MACROD2: variants seen among roughly 807,000 people sequenced by gnomAD.
The protein encoded by MACROD2 is ADP-ribose glycohydrolase MACROD2.
A neutral mutation model predicts 70.4 loss-of-function variants in MACROD2; 36 were observed. The ratio of observed to expected loss-of-function variants is 0.51; its 90% CI spans 0.39 to 0.68. The LOEUF is 0.68. Ranked by LOEUF, MACROD2 falls within the 30% of genes least tolerant of loss-of-function variation. The pLI is 0.00. For synonymous variants in MACROD2, 172 were observed against 178.8 expected (o/e 0.96, Z 0.30); for missense variants, 496 against 538.4 (o/e 0.92, Z 0.78).
At chr20:15,245,386 T>C (rs1251977565) in intron 6 of MACROD2, among the ~76,000 whole-genome samples, 2 of 152,170 alleles carry the variant, frequency 1.3e-5, no homozygotes, top group African/African-American at 2.4e-5. Context: ...AATGTATTTA[T>C]GGTATTTCTA....
At chr20:14,679,228 T>C (rs1479005414) in intron 4 of MACROD2, among the ~76,000 whole-genome samples, 2 of 152,230 alleles carry the variant, frequency 1.3e-5, no homozygotes, top group Non-Finnish European at 2.9e-5. Context: ...ACATTTATTT[T>C]GTCCAGTTGT....
At chr20:14,747,931 T>G (rs902467270) in intron 5 of MACROD2, among the ~76,000 whole-genome samples, 2 of 152,076 alleles carry the variant, frequency 1.3e-5, no homozygotes, top group African/African-American at 4.8e-5. Context: ...CTTTCTGGAT[T>G]TGGCTTTTCT....
At chr20:15,026,355 G>A (rs941213664) in intron 5 of MACROD2, among the ~76,000 whole-genome samples, 3 of 151,960 alleles carry the variant, frequency 2.0e-5, no homozygotes, top group African/African-American at 7.2e-5. Context: ...CCTCAAAATG[G>A]AAGGATTTCT....
intron 8 of MACROD2, among the ~76,000 whole-genome samples, chr20:15,708,568 C>A (rs1026429312): frequency 3.3e-5 from 5 of 152,172 alleles, no homozygotes; most frequent in Non-Finnish European, 5.9e-5. Flanking sequence ...GGGAGCCAGA[C>A]CCTGTTCAAT....
rs532072341 is a variant in MACROD2, at chr20:15,338,132, C to G, written c.541-93273C>G. ...ATTTATCCAAGCAATGCTTATTTCT[C>G]CCTATCTGCCTCTCTCTTCTCTTCT... is the stretch of plus-strand genomic sequence containing the variant. On this transcript the variant is annotated intron_variant, in intron 6 of 17. Transcript: ENST00000684519. 1.3e-5 allele frequency among the ~76,000 whole-genome samples: 2 copies of G among 151,486 alleles called. 1 individual carries two copies. The highest frequency in any genetic ancestry group is 4.9e-5 in the African/African-American group (2 of 40,870).
At chr20:14,682,510 G>T (rs886745261) in intron 4 of MACROD2, among the ~76,000 whole-genome samples, 3 of 151,078 alleles carry the variant, frequency 2.0e-5, no homozygotes, top group African/African-American at 7.3e-5. Flanking sequence ...ATATATGTAC[G>T]TGTGTGTATA....
chr20:15,126,007 G>C (rs1055173386), intron 5 of MACROD2, among the ~76,000 whole-genome samples: 1 of 133,846 alleles, frequency 7.5e-6, no homozygotes. Context: ...GCATGTATCA[G>C]TACTTCATTC....
At chr20:15,713,067 T>A (rs955187706) in intron 8 of MACROD2, among the ~76,000 whole-genome samples, 4 of 152,126 alleles carry the variant, frequency 2.6e-5, no homozygotes, top group Admixed American at 2.6e-4. Context: ...CTTGGATAGA[T>A]TATTAATACC....
intron 3 of MACROD2, among the ~76,000 whole-genome samples, chr20:14,365,281 A>G (rs1045407226): frequency 2.6e-5 from 4 of 152,106 alleles, no homozygotes; most frequent in Non-Finnish European, 4.4e-5. Flanking sequence ...ATTCTCTTAT[A>G]ATCATTTTTA....
intron 5 of MACROD2, among the ~76,000 whole-genome samples, chr20:15,145,463 A>T (rs1312115032): frequency 6.6e-6 from 1 of 152,190 alleles, no homozygotes; most frequent in Non-Finnish European, 1.5e-5. Context: ...ACCCTCAGCA[A>T]TGTATTTGAT....
intron 2 of MACROD2, among the ~76,000 whole-genome samples, chr20:14,076,975 C>A (rs562139933): frequency 2.4e-4 from 36 of 152,180 alleles, no homozygotes; most frequent in African/African-American, 8.2e-4. Flanking sequence ...AGCAGTAAAA[C>A]AAAAATCCAT....
At chr20:14,092,960 A>G (rs887826706) in intron 3 of MACROD2, among the ~76,000 whole-genome samples, 1 of 152,230 alleles carries the variant, frequency 6.6e-6, no homozygotes, top group African/African-American at 2.4e-5. Flanking sequence ...ACTGGTGCTC[A>G]AGCTAGAGCA....
intron 3 of MACROD2, among the ~76,000 whole-genome samples, chr20:14,425,333 C>G (rs1398032285): frequency 6.6e-6 from 1 of 152,150 alleles, no homozygotes; most frequent in Non-Finnish European, 1.5e-5. Context: ...ATATACCAGA[C>G]TTTCTCCACC....
At chr20:14,770,487 C>G (rs2072150873) in intron 5 of MACROD2, among the ~76,000 whole-genome samples, 1 of 152,034 alleles carries the variant, frequency 6.6e-6, no homozygotes, top group Non-Finnish European at 1.5e-5. Context: ...TACTGAGGTT[C>G]AAATAGCTCT....
intron 3 of MACROD2, among the ~76,000 whole-genome samples, chr20:14,345,300 T>A (rs1157822534): frequency 3.9e-5 from 6 of 152,198 alleles, no homozygotes; most frequent in Non-Finnish European, 8.8e-5. Context: ...TACAAGCAAA[T>A]CTTTCTAGCT....
intron 5 of MACROD2, among the ~76,000 whole-genome samples, chr20:15,130,003 T>G (rs559829099): frequency 8.5e-5 from 13 of 152,190 alleles, no homozygotes; most frequent in African/African-American, 2.2e-4. Flanking sequence ...TGCTTCCTGG[T>G]CACCCACCTC....
intron 10 of MACROD2, among the ~76,000 whole-genome samples, chr20:15,918,328 G>T (rs918170056): frequency 3.3e-5 from 5 of 152,258 alleles, no homozygotes; most frequent in Non-Finnish European, 5.9e-5. Flanking sequence ...AGTTGTTGAA[G>T]AAATTATTTA....
intron 10 of MACROD2, chr20:15,893,660 C>T (rs2064923302): frequency 2.2e-6 from 1 of 455,974 alleles, no homozygotes; most frequent in Non-Finnish European, 4.4e-6. Flanking sequence ...CAAACTTTTA[C>T]ACTTGATCTT....
chr20:14,631,340 G>T (rs772655014), intron 4 of MACROD2, among the ~76,000 whole-genome samples: 26 of 152,116 alleles, frequency 1.7e-4, no homozygotes, highest in Non-Finnish European at 2.6e-4. Flanking sequence ...TTTGTTCACG[G>T]TTTCTGCTTT....
Sources: gnomAD v4.1 joint callset for allele counts (sites outside exome capture counted in the v4.1 genomes callset) on GRCh38, gnomAD v4.1.1 for gene constraint, MANE v1.5 for transcripts, NCBI Gene and HGNC (gene_info 2026-07-23, HGNC 2026-07-21) for gene names.